The following EYS variants were observed in gnomAD, a reference collection of about 807,000 sequenced individuals.
EYS encodes EGF-like photoreceptor maintenance factor.
A neutral mutation model predicts 282.1 loss-of-function variants in EYS; 250 were observed. That is an observed-to-expected ratio of 0.89 (90% CI 0.80 to 0.98). The LOEUF (loss-of-function observed/expected upper bound fraction) is 0.98. Ranked by LOEUF, EYS falls within the 50% of genes least tolerant of loss-of-function variation. The pLI is 0.00. For synonymous variants in EYS, 1,355 were observed against 1,282.9 expected (o/e 1.06, Z -1.20); for missense variants, 4,016 against 3,709.0 (o/e 1.08, Z -2.15).
intron 12 of EYS, among the ~76,000 whole-genome samples, chr6:65,164,721 G>T (rs1427119216): frequency 6.6e-6 from 1 of 151,286 alleles, no homozygotes; most frequent in African/African-American, 2.4e-5. Flanking sequence ...AGAGACCAAG[G>T]TGCCAGCGAT....
intron 40 of EYS, among the ~76,000 whole-genome samples, chr6:63,770,080 G>GAT (rs1438215152): frequency 1.3e-5 from 2 of 151,758 alleles, no homozygotes; most frequent in African/African-American, 4.8e-5. Flanking sequence ...TGAAATATAT[G>GAT]ATATATATAA....
intron 13 of EYS, among the ~76,000 whole-genome samples, chr6:65,045,400 C>T (rs1003951205): frequency 1.3e-5 from 2 of 151,750 alleles, no homozygotes; most frequent in African/African-American, 4.8e-5. Flanking sequence ...TCCACAGCCC[C>T]GAATTTTTAT....
intron 15 of EYS, among the ~76,000 whole-genome samples, chr6:64,915,927 C>CT (rs1206877455): frequency 6.6e-6 from 1 of 151,780 alleles, no homozygotes; most frequent in Non-Finnish European, 1.5e-5. Context: ...CTTTTCTTTT[C>CT]TTTTTTTAAA....
chr6:64,034,383 G>A (rs534485089), intron 33 of EYS, among the ~76,000 whole-genome samples: 17 of 152,062 alleles, frequency 1.1e-4, no homozygotes, highest in African/African-American at 3.9e-4. Context: ...GTTATCTTAC[G>A]GTATTTATTT....
chr6:65,501,134 T>G (rs13193142), intron 2 of EYS, among the ~76,000 whole-genome samples: 14,753 of 151,846 alleles, frequency 0.097, 945 homozygotes, highest in South Asian at 0.18. Context: ...ACAGTTTGTC[T>G]TCTGTGAAGT....
intron 26 of EYS, among the ~76,000 whole-genome samples, chr6:64,549,733 C>CTTT (rs10534314): frequency 5.0e-5 from 7 of 140,686 alleles, no homozygotes; most frequent in African/African-American, 8.0e-5. Context: ...CACATGAAAT[C>CTTT]TTTTTTTTTT....
intron 12 of EYS, among the ~76,000 whole-genome samples, chr6:65,120,151 C>CAAAAAAAAAAA (rs1170415166): frequency 9.6e-5 from 6 of 62,546 alleles, no homozygotes; most frequent in Admixed American, 2.0e-4. Flanking sequence ...GACTCCGTCT[C>CAAAAAAAAAAA]AAAAAAAAAA....
Position 65,699,499 on chromosome 6 carries a change from C to CCAA in EYS, c.-448+7633_-448+7635dup, listed in dbSNP as rs143162202. 5.0e-3 allele frequency among the ~76,000 whole-genome samples: 755 copies of CCAA among 151,960 alleles called. 5 individuals carry two copies. The highest frequency in any genetic ancestry group is 0.017 in the African/African-American group (712 of 41,462). Reference sequence around the variant, plus strand: ...ACAATGTGGTAGGGAAACCAATAAGCCAACAGATGTAAGTAGTAGTCATGT... The same window carrying CCAA: ...ACAATGTGGTAGGGAAACCAATAAGCCAACAACAGATGTAAGTAGTAGTCATGT... On this transcript the variant is annotated intron_variant, in intron 1 of 42. Transcript: ENST00000503581.
In EYS at chr6:64,303,176, G is replaced by A. The variant is rs183389599; in HGVS notation, c.6191+3794C>T. ...GTGGTACCTGCTACACTTAAGCACC[G>A]ACTTCCGGCTTCTAACATTGCAACT... On this transcript the variant is annotated intron_variant, in intron 30 of 42. Transcript: ENST00000503581. 7.9e-5 allele frequency among the ~76,000 whole-genome samples: 12 copies of A among 152,210 alleles called. No homozygotes were observed. In the East Asian group the frequency reaches 2.1e-3, roughly 27 times the overall value.
chr6:64,451,772 C>A lies in EYS; in HGVS notation c.5645-12420G>T, dbSNP rs545432648. 7.0e-4 allele frequency among the ~76,000 whole-genome samples: 106 copies of A among 152,274 alleles called. 3 individuals carry two copies. The South Asian group carries it at 0.02, about 29-fold the overall frequency. ...AACGACAAAAACCACATGATTATCT[C>A]AATAGATGCAGAAAAGGCTTTTGAC... is the stretch of plus-strand genomic sequence containing the variant. On this transcript the variant is annotated intron_variant, in intron 26 of 42. Transcript: ENST00000503581.
At chr6:64,032,327 A>G (rs568819210) in intron 33 of EYS, among the ~76,000 whole-genome samples, 2 of 152,308 alleles carry the variant, frequency 1.3e-5, no homozygotes, top group South Asian at 2.1e-4. Flanking sequence ...CCAATTCCGG[A>G]CACAGTATCT....
At chr6:63,739,609 A>T (rs910039332) in intron 41 of EYS, among the ~76,000 whole-genome samples, 1 of 152,164 alleles carries the variant, frequency 6.6e-6, no homozygotes. Flanking sequence ...TGGGGTGCAG[A>T]TCTGCATTAT....
At chr6:64,531,206 A>G (rs1232519294) in intron 26 of EYS, among the ~76,000 whole-genome samples, 1 of 152,238 alleles carries the variant, frequency 6.6e-6, no homozygotes, top group Admixed American at 6.5e-5. Flanking sequence ...CTTAGGATAC[A>G]GAAAGTCCTA....
chr6:65,200,784 T>C (rs1005986282), intron 12 of EYS, among the ~76,000 whole-genome samples: 1 of 152,022 alleles, frequency 6.6e-6, no homozygotes, highest in African/African-American at 2.4e-5. Context: ...CACAAAATTT[T>C]CTCAAGCTTC....
At chr6:65,591,399 T>C (rs1375754715) in intron 2 of EYS, among the ~76,000 whole-genome samples, 1 of 151,894 alleles carries the variant, frequency 6.6e-6, no homozygotes, top group African/African-American at 2.4e-5. Flanking sequence ...TGTGTGTGTT[T>C]CTCATAATGC....
intron 36 of EYS, among the ~76,000 whole-genome samples, chr6:63,814,697 C>G (rs35900681): frequency 6.6e-6 from 1 of 152,032 alleles, no homozygotes; most frequent in African/African-American, 2.4e-5. Context: ...TTCAAAGTAA[C>G]TAGGTACTGG....
chr6:65,196,912 TG>T (rs1330622767), intron 12 of EYS, among the ~76,000 whole-genome samples: 4 of 152,150 alleles, frequency 2.6e-5, no homozygotes, highest in African/African-American at 9.6e-5. Context: ...CTCACCAAAC[TG>T]GAGTCAACAA....
intron 29 of EYS, among the ~76,000 whole-genome samples, chr6:64,372,109 A>G (rs1371972634): frequency 7.2e-6 from 1 of 138,434 alleles, no homozygotes; most frequent in African/African-American, 2.9e-5. Flanking sequence ...GCTTTATAGC[A>G]TCACTGGTCT....
intron 30 of EYS, among the ~76,000 whole-genome samples, chr6:64,275,791 T>TAAAAA (rs200220201): frequency 2.9e-3 from 207 of 70,788 alleles, no homozygotes; most frequent in African/African-American, 0.013. Flanking sequence ...CTGTGTCTAC[T>TAAAAA]AAAAAAATAA....
Sources: allele counts gnomAD v4.1 joint callset (sites outside exome capture counted in the v4.1 genomes callset), GRCh38; gene constraint gnomAD v4.1.1; transcripts MANE v1.5; gene names NCBI Gene and HGNC (gene_info 2026-07-23, HGNC 2026-07-21).